Variants in CNTNAP2 observed in about 807,000 individuals in gnomAD.
CNTNAP2 encodes contactin associated protein 2, also known as contactin-associated protein-like 2.
A neutral mutation model predicts 155.2 loss-of-function variants in CNTNAP2; 98 were observed. The observed-to-expected ratio is 0.63, with a 90% CI of 0.54 to 0.75. The LOEUF (loss-of-function observed/expected upper bound fraction) is 0.75. CNTNAP2 is among the 30% of genes least tolerant of loss of function. The pLI, the probability that CNTNAP2 is intolerant of heterozygous loss-of-function variation, is 0.00. For missense variants in CNTNAP2, 1,727 were observed against 1,688.1 expected (o/e 1.02, Z -0.40); for synonymous variants, 651 against 631.2 (o/e 1.03, Z -0.47).
chr7:147,492,093 G>T (rs1457208582), intron 11 of CNTNAP2, among the ~76,000 whole-genome samples: 3 of 152,168 alleles, frequency 2.0e-5, no homozygotes, highest in Non-Finnish European at 4.4e-5. Context: ...CAGGGGCCAG[G>T]TTCATAGGAG....
At position 147,111,568 on chromosome 7, in the gene CNTNAP2, T is replaced by G. The variant is rs544042192; in HGVS notation, c.754+3218T>G. On this transcript the variant is annotated intron_variant, in intron 5 of 23. Transcript: ENST00000361727. Reference sequence around the variant, plus strand: ...TGTACAGTGTAAGGAAGGGGTCCAGTTTCAATTTTCTGCATATGACTAGCC... The same window carrying G: ...TGTACAGTGTAAGGAAGGGGTCCAGGTTCAATTTTCTGCATATGACTAGCC... Among the ~76,000 whole-genome samples the G allele has an allele frequency of 1.2e-4, 19 of 152,354 alleles. No homozygotes were observed. In the South Asian group the frequency reaches 3.3e-3, roughly 27 times the overall value.
chr7:146,988,909 C>G (rs1798162342), intron 3 of CNTNAP2, among the ~76,000 whole-genome samples: 1 of 152,108 alleles, frequency 6.6e-6, no homozygotes, highest in Non-Finnish European at 1.5e-5. Context: ...AAATCGGAGC[C>G]CTGTGTTTTT....
At position 146,418,200 on chromosome 7, in the gene CNTNAP2, C is replaced by T. The variant is rs189705129; in HGVS notation, c.97+301227C>T. ...ACAGTTTTCAGCTAGGGGCCAAAGC[C>T]CTGAGTTCTGTGTGCGTGAATGGTC... is the stretch of plus-strand genomic sequence containing the variant. On this transcript the variant is annotated intron_variant, in intron 1 of 23. Coordinates refer to ENST00000361727, the MANE Select transcript of CNTNAP2 (RefSeq NM_014141.6). Among the ~76,000 whole-genome samples the T allele has an allele frequency of 4.9e-4, 75 of 152,232 alleles. 3 individuals are homozygous for T. The East Asian group carries it at 0.012, about 25-fold the overall frequency.
chr7:148,081,728 G>A (rs1009180138), intron 15 of CNTNAP2, among the ~76,000 whole-genome samples: 2 of 152,090 alleles, frequency 1.3e-5, no homozygotes, highest in African/African-American at 4.8e-5. Flanking sequence ...AGCCTCAGAG[G>A]AGGATGAATG....
At chr7:146,906,042 G>T (rs4295575) in intron 3 of CNTNAP2, among the ~76,000 whole-genome samples, 5,526 of 152,236 alleles carry the variant, frequency 0.036, 119 homozygotes, top group Middle Eastern at 0.085. Flanking sequence ...AAGGGGTGAC[G>T]GACGCACCTG....
At chr7:146,970,471 C>G (rs1346105466) in intron 3 of CNTNAP2, among the ~76,000 whole-genome samples, 1 of 152,216 alleles carries the variant, frequency 6.6e-6, no homozygotes, top group African/African-American at 2.4e-5. Context: ...TGCTCACCAT[C>G]ACTGTCCATT....
At position 147,219,101 on chromosome 7, in the gene CNTNAP2, G is replaced by C. The variant is rs141996482; in HGVS notation, c.1349-81040G>C. Among the ~76,000 whole-genome samples, 405 of 152,292 alleles carry C rather than the reference G, an allele frequency of 2.7e-3. 1 individual carries two copies. Among genetic ancestry groups the C allele is most frequent in the African/African-American group, 9.1e-3 (377 of 41,572 alleles). On this transcript the variant is annotated intron_variant, in intron 8 of 23. Transcript: ENST00000361727. ...TTATCCAATGGCAGAAAGGCAAAGA[G>C]AGGGTGAGAGAGCAAGAAGGGGCTG...
chr7:147,032,836 A>G (rs1584794712), intron 3 of CNTNAP2, among the ~76,000 whole-genome samples: 1 of 152,118 alleles, frequency 6.6e-6, no homozygotes, highest in East Asian at 1.9e-4. Flanking sequence ...AAACTATGGG[A>G]GGCAATAAAG....
At chr7:146,155,176 A>G (rs1047094448) in intron 1 of CNTNAP2, among the ~76,000 whole-genome samples, 5 of 152,202 alleles carry the variant, frequency 3.3e-5, no homozygotes, top group Non-Finnish European at 5.9e-5. Flanking sequence ...ATTTTAATCT[A>G]CTTGTACCTG....
intron 8 of CNTNAP2, among the ~76,000 whole-genome samples, chr7:147,179,935 G>A (rs1389107273): frequency 6.6e-6 from 1 of 152,228 alleles, no homozygotes; most frequent in Non-Finnish European, 1.5e-5. Context: ...TGTGACAAAA[G>A]TGAATTGAGT....
intron 13 of CNTNAP2, among the ~76,000 whole-genome samples, chr7:147,775,413 AT>A (rs1307187655): frequency 1.7e-5 from 2 of 116,898 alleles, no homozygotes; most frequent in Non-Finnish European, 3.4e-5. Context: ...TTATATATAT[AT>A]TTATATATAT....
chr7:147,874,079 A>G (rs1799380732), intron 13 of CNTNAP2, among the ~76,000 whole-genome samples: 2 of 152,134 alleles, frequency 1.3e-5, no homozygotes, highest in Non-Finnish European at 2.9e-5. Context: ...ATAGACCCCC[A>G]TCTCAGCTGC....
At chr7:146,747,733 G>A (rs1801833197) in intron 1 of CNTNAP2, among the ~76,000 whole-genome samples, 1 of 152,128 alleles carries the variant, frequency 6.6e-6, no homozygotes, top group South Asian at 2.1e-4. Context: ...GAATTACAAA[G>A]TAATTTAAAC....
At chr7:147,211,100 G>A (rs1379937870) in intron 8 of CNTNAP2, among the ~76,000 whole-genome samples, 1 of 151,088 alleles carries the variant, frequency 6.6e-6, no homozygotes, top group Non-Finnish European at 1.5e-5. Flanking sequence ...AGATGATAAT[G>A]TATTGTATAG....
chr7:146,981,872 C>T (rs575936312), intron 3 of CNTNAP2, among the ~76,000 whole-genome samples: 17 of 152,104 alleles, frequency 1.1e-4, no homozygotes, highest in Middle Eastern at 3.4e-3. Flanking sequence ...TGAAAAGGGC[C>T]GGACAGTGAA....
At chr7:147,169,794 G>T (rs1042408506) in intron 8 of CNTNAP2, among the ~76,000 whole-genome samples, 5 of 152,112 alleles carry the variant, frequency 3.3e-5, no homozygotes. Flanking sequence ...ATAAAGTTTG[G>T]GTCTTTCTTA....
intron 13 of CNTNAP2, among the ~76,000 whole-genome samples, chr7:147,842,019 G>C (rs1490403638): frequency 2.0e-5 from 3 of 152,098 alleles, no homozygotes; most frequent in African/African-American, 7.2e-5. Context: ...ATTGGTCAAA[G>C]TTGCCATTAA....
chr7:147,543,571 T>A (rs1799676944), intron 11 of CNTNAP2, among the ~76,000 whole-genome samples: 1 of 152,314 alleles, frequency 6.6e-6, no homozygotes, highest in East Asian at 1.9e-4. Context: ...TCATTCTTAT[T>A]CTGAACAACT....
At chr7:146,253,509 C>A (rs1799788760) in intron 1 of CNTNAP2, among the ~76,000 whole-genome samples, 1 of 152,212 alleles carries the variant, frequency 6.6e-6, no homozygotes. Context: ...GGTGTGAATA[C>A]CTTAAGGGTC....
Sources: allele counts gnomAD v4.1 joint callset (sites outside exome capture counted in the v4.1 genomes callset), GRCh38; gene constraint gnomAD v4.1.1; transcripts MANE v1.5; gene names NCBI Gene and HGNC (gene_info 2026-07-23, HGNC 2026-07-21).